The following L3MBTL4 variants were observed in gnomAD, a reference collection of about 807,000 sequenced individuals.
L3MBTL4 encodes the protein L3MBTL histone methyl-lysine binding protein 4, also known as lethal(3)malignant brain tumor-like protein 4.
L3MBTL4 carries 70 observed loss-of-function variants against 84.5 expected under a neutral mutation model. That is an observed-to-expected ratio of 0.83 (90% CI 0.68 to 1.01). The LOEUF (loss-of-function observed/expected upper bound fraction) is 1.01. Ranked by LOEUF, L3MBTL4 falls within the 50% of genes least tolerant of loss-of-function variation. L3MBTL4 has a pLI of 0.00. For missense variants in L3MBTL4, 715 were observed against 754.8 expected, an observed-to-expected ratio of 0.95 and a Z score of 0.62; for synonymous variants, 274 against 259.8, an observed-to-expected ratio of 1.05 and a Z score of -0.52.
intron 4 of L3MBTL4, among the ~76,000 whole-genome samples, chr18:6,280,867 T>C (rs141510562): frequency 2.0e-5 from 3 of 152,146 alleles, no homozygotes; most frequent in African/African-American, 7.2e-5. Flanking sequence ...ATGCAAAAGC[T>C]GGAAAAGAAA....
At chr18:5,985,644 C>T (rs978179934) in intron 16 of L3MBTL4, among the ~76,000 whole-genome samples, 1 of 152,218 alleles carries the variant, frequency 6.6e-6, no homozygotes, top group Non-Finnish European at 1.5e-5. Flanking sequence ...AAGGAAGGTT[C>T]TTAACAAATA....
chr18:6,018,582 A>G (rs1193373539), intron 16 of L3MBTL4, among the ~76,000 whole-genome samples: 1 of 152,208 alleles, frequency 6.6e-6, no homozygotes, highest in Non-Finnish European at 1.5e-5. Flanking sequence ...CTGTGGGCAT[A>G]CTGTGTGATT....
intron 14 of L3MBTL4, among the ~76,000 whole-genome samples, chr18:6,129,278 C>T (rs1295505405): frequency 3.3e-5 from 5 of 151,666 alleles, no homozygotes; most frequent in South Asian, 4.2e-4. Context: ...ATCAGCTATA[C>T]GTGTACCTAT....
At chr18:6,376,093 G>A (rs1286727872) in intron 1 of L3MBTL4, among the ~76,000 whole-genome samples, 1 of 152,038 alleles carries the variant, frequency 6.6e-6, no homozygotes, top group African/African-American at 2.4e-5. Context: ...CAAGCTCTCC[G>A]ACCCCACTGT....
At chr18:6,064,382 T>A (rs1175083319) in intron 16 of L3MBTL4, among the ~76,000 whole-genome samples, 2 of 152,090 alleles carry the variant, frequency 1.3e-5, no homozygotes, top group African/African-American at 2.4e-5. Context: ...TGGGTTTTTC[T>A]AGTTCTGTAA....
chr18:6,342,926 G>A (rs189609815), intron 1 of L3MBTL4, among the ~76,000 whole-genome samples: 4 of 152,150 alleles, frequency 2.6e-5, no homozygotes, highest in Admixed American at 2.6e-4. Flanking sequence ...AAGGAGAGCA[G>A]GAGTAGCTAT....
chr18:6,242,224 G>T (rs938693878), intron 7 of L3MBTL4, among the ~76,000 whole-genome samples: 21 of 152,016 alleles, frequency 1.4e-4, no homozygotes, highest in Admixed American at 1.4e-3. Context: ...ACTCATCCTC[G>T]CAAAGCGCAC....
At chr18:6,042,310 G>C (rs1364203948) in intron 16 of L3MBTL4, among the ~76,000 whole-genome samples, 1 of 151,900 alleles carries the variant, frequency 6.6e-6, no homozygotes, top group African/African-American at 2.4e-5. Flanking sequence ...CCTTCCCATT[G>C]ACACTGGAAC....
Position 6,201,332 on chromosome 18 carries a change from G to A in L3MBTL4, c.981+11817C>T, listed in dbSNP as rs566957270. On this transcript the variant is annotated intron_variant, in intron 12 of 18. Coordinates refer to ENST00000317931, the MANE Select transcript of L3MBTL4 (RefSeq NM_001330559.2). ...AGGTGGGTTTGGTCATGGGAATATC[G>A]GCAATTTTACCATGAGTTTCTCCTT... Among the ~76,000 whole-genome samples the A allele has an allele frequency of 5.9e-5, 9 of 152,230 alleles. No homozygotes were observed. The East Asian group carries it at 1.4e-3, about 23-fold the overall frequency.
chr18:6,021,774 G>C (rs1038964232), intron 16 of L3MBTL4, among the ~76,000 whole-genome samples: 6 of 152,038 alleles, frequency 3.9e-5, no homozygotes, highest in Non-Finnish European at 7.4e-5. Flanking sequence ...GGGGTGGGGG[G>C]GTGGCGGGTT....
chr18:6,138,908 G>T (rs2060113555), intron 13 of L3MBTL4, among the ~76,000 whole-genome samples: 1 of 152,132 alleles, frequency 6.6e-6, no homozygotes, highest in African/African-American at 2.4e-5. Flanking sequence ...AGACAATACA[G>T]CCACGAGCTG....
intron 16 of L3MBTL4, among the ~76,000 whole-genome samples, chr18:5,987,981 A>C (rs1263129726): frequency 6.6e-6 from 1 of 152,256 alleles, no homozygotes; most frequent in African/African-American, 2.4e-5. Flanking sequence ...ACAATATATA[A>C]TTAAGCATAA....
chr18:6,181,462 A>T (rs1325349006), intron 12 of L3MBTL4, among the ~76,000 whole-genome samples: 3 of 151,854 alleles, frequency 2.0e-5, no homozygotes, highest in Admixed American at 1.3e-4. Flanking sequence ...TGTAGCTGGG[A>T]TTACAGGTGC....
chr18:6,053,032 G>A (rs1332261718), intron 16 of L3MBTL4, among the ~76,000 whole-genome samples: 1 of 152,176 alleles, frequency 6.6e-6, no homozygotes, highest in Non-Finnish European at 1.5e-5. Context: ...ATAAACAAAC[G>A]TTGATTATCA....
At chr18:6,221,404 CTA>C (rs1161170646) in intron 10 of L3MBTL4, among the ~76,000 whole-genome samples, 1 of 152,062 alleles carries the variant, frequency 6.6e-6, no homozygotes, top group Non-Finnish European at 1.5e-5. Context: ...ATCTATCTGT[CTA>C]TTGGATCTGC....
intron 1 of L3MBTL4, among the ~76,000 whole-genome samples, chr18:6,325,588 T>A (rs529509667): frequency 2.0e-5 from 3 of 152,316 alleles, no homozygotes; most frequent in Admixed American, 2.0e-4. Flanking sequence ...GTAAACTGCC[T>A]TTTTACTTAT....
intron 16 of L3MBTL4, among the ~76,000 whole-genome samples, chr18:6,053,386 G>A (rs1232748341): frequency 1.3e-5 from 2 of 152,160 alleles, no homozygotes; most frequent in Admixed American, 6.5e-5. Context: ...GTACCAAAAT[G>A]GAGTCACTTA....
At chr18:6,150,772 C>T (rs2042859207) in intron 13 of L3MBTL4, among the ~76,000 whole-genome samples, 1 of 152,190 alleles carries the variant, frequency 6.6e-6, no homozygotes, top group African/African-American at 2.4e-5. Context: ...CCCAAGGGAG[C>T]TTCTTGCAAG....
At chr18:6,160,486 C>G (rs1439842544) in intron 13 of L3MBTL4, among the ~76,000 whole-genome samples, 1 of 152,170 alleles carries the variant, frequency 6.6e-6, no homozygotes, top group African/African-American at 2.4e-5. Flanking sequence ...AATCCCAACA[C>G]TTTGGGAGGC....
Sources: allele counts gnomAD v4.1 joint callset (sites outside exome capture counted in the v4.1 genomes callset), GRCh38; gene constraint gnomAD v4.1.1; transcripts MANE v1.5; gene names NCBI Gene and HGNC (gene_info 2026-07-23, HGNC 2026-07-21).